Variants in NR3C2 observed in about 807,000 individuals in gnomAD.
The protein encoded by NR3C2 is nuclear receptor subfamily 3 group C member 2, also known as mineralocorticoid receptor.
A neutral mutation model predicts 86.4 loss-of-function variants in NR3C2; 15 were observed. The observed-to-expected ratio is 0.17, with a 90% CI of 0.12 to 0.27. The LOEUF (loss-of-function observed/expected upper bound fraction) is 0.27. Among genes scored for constraint, NR3C2 ranks in the 10% least tolerant of loss-of-function variants. NR3C2 has a pLI of 1.00. For synonymous variants in NR3C2, 458 were observed against 450.5 expected, an observed-to-expected ratio of 1.02 and a Z score of -0.21; for missense variants, 960 against 1,195.6, an observed-to-expected ratio of 0.80 and a Z score of 2.91.
chr4:148,159,372 A>C (rs1175967306), intron 4 of NR3C2, among the ~76,000 whole-genome samples: 1 of 152,194 alleles, frequency 6.6e-6, no homozygotes, highest in Non-Finnish European at 1.5e-5. Context: ...CAAAATTTCT[A>C]CTGTGTAATG....
At chr4:148,379,798 A>T (rs1187765525) in intron 2 of NR3C2, among the ~76,000 whole-genome samples, 1 of 152,010 alleles carries the variant, frequency 6.6e-6, no homozygotes, top group African/African-American at 2.4e-5. Flanking sequence ...GCAGGATAAC[A>T]TTAAACCTGG....
chr4:148,107,632 G>A lies in NR3C2; in HGVS notation c.2799+6472C>T, dbSNP rs114151845. ...CATTGATAGGCTGGGTAAAGAAAAT[G>A]TGGCACATAAACACCATCGAATACT... On this transcript the variant is annotated intron_variant, in intron 8 of 8. Transcript: ENST00000358102. Among the ~76,000 whole-genome samples the A allele has an allele frequency of 4.0e-3, 616 of 152,300 alleles. 1 individual carries two copies. Among genetic ancestry groups the A allele is most frequent in the Middle Eastern group, 0.01 (3 of 294 alleles).
chr4:148,278,333 C>G (rs948253560), intron 2 of NR3C2, among the ~76,000 whole-genome samples: 2 of 152,244 alleles, frequency 1.3e-5, no homozygotes, highest in East Asian at 3.9e-4. Flanking sequence ...CACCTAGCCT[C>G]AAGCGATCTG....
chr4:148,207,568 A>T (rs1315710713), intron 3 of NR3C2, among the ~76,000 whole-genome samples: 1 of 152,258 alleles, frequency 6.6e-6, no homozygotes, highest in Non-Finnish European at 1.5e-5. Context: ...TTCATAAGGC[A>T]GTAATGGGCT....
At chr4:148,141,429 C>G (rs1438271795) in intron 6 of NR3C2, among the ~76,000 whole-genome samples, 1 of 135,030 alleles carries the variant, frequency 7.4e-6, no homozygotes, top group Non-Finnish European at 1.6e-5. Context: ...CTCTCTCTCT[C>G]TCTCTCTCCC....
intron 6 of NR3C2, among the ~76,000 whole-genome samples, chr4:148,139,931 A>G (rs1400919983): frequency 1.3e-5 from 2 of 152,268 alleles, no homozygotes; most frequent in Admixed American, 6.5e-5. Flanking sequence ...TACAATAAAA[A>G]TAATCGTGTG....
chr4:148,146,550 G>A (rs1733879171), intron 6 of NR3C2: 1 of 152,364 alleles, frequency 6.6e-6, no homozygotes, highest in African/African-American at 2.4e-5. Context: ...AAAGAAACAG[G>A]TAGCACCCCA....
intron 6 of NR3C2, among the ~76,000 whole-genome samples, chr4:148,149,389 T>C (rs1373851197): frequency 6.6e-6 from 1 of 152,184 alleles, no homozygotes; most frequent in Non-Finnish European, 1.5e-5. Context: ...CCCCTTTAAG[T>C]ACATTATTCC....
chr4:148,187,273 T>G (rs778591680), intron 4 of NR3C2, among the ~76,000 whole-genome samples: 12 of 151,918 alleles, frequency 7.9e-5, no homozygotes, highest in Non-Finnish European at 1.8e-4. Context: ...TACTTTTAGT[T>G]ATTTAAGGAA....
At chr4:148,201,296 G>A (rs1427262188) in intron 3 of NR3C2, among the ~76,000 whole-genome samples, 2 of 152,166 alleles carry the variant, frequency 1.3e-5, no homozygotes, top group Non-Finnish European at 2.9e-5. Context: ...GGGGAGATGG[G>A]CAGGCCAGAG....
rs555010014 is a variant in NR3C2 at position 148,411,363 on chromosome 4, T to C, written c.1757+23741A>G. Among the ~76,000 whole-genome samples the C allele has an allele frequency of 7.2e-5, 11 of 152,316 alleles. No individual in the cohort carries two copies. The South Asian group carries it at 2.3e-3, about 32-fold the overall frequency. ...TATTTAGATTTAAAAGATGTTAACA[T>C]TTAATGAAATCCAAATCCAATTCAA... On this transcript the variant is annotated intron_variant, in intron 2 of 8. Coordinates refer to ENST00000358102, the MANE Select transcript of NR3C2 (RefSeq NM_000901.5).
At chr4:148,231,103 T>A (rs543021020) in intron 3 of NR3C2, among the ~76,000 whole-genome samples, 1 of 152,338 alleles carries the variant, frequency 6.6e-6, no homozygotes, top group South Asian at 2.1e-4. Context: ...CCAATCTCTA[T>A]GACAGATTAA....
At chr4:148,127,737 T>C (rs1047144547) in intron 6 of NR3C2, among the ~76,000 whole-genome samples, 1 of 152,236 alleles carries the variant, frequency 6.6e-6, no homozygotes, top group Admixed American at 6.5e-5. Flanking sequence ...TAGAGACCCA[T>C]TCCAGAGGTT....
intron 6 of NR3C2, among the ~76,000 whole-genome samples, chr4:148,147,863 T>G (rs576102454): frequency 6.6e-6 from 1 of 152,314 alleles, no homozygotes; most frequent in South Asian, 2.1e-4. Flanking sequence ...AGGCATGCTT[T>G]GAGTTTTCTA....
Position 148,351,750 on chromosome 4 carries a change from A to G in NR3C2, c.1757+83354T>C, listed in dbSNP as rs941526254. Among the ~76,000 whole-genome samples the G allele has an allele frequency of 2.0e-5, 3 of 152,208 alleles. No homozygotes were observed. The East Asian group carries it at 5.8e-4, about 29-fold the overall frequency. ...AATGAGTGAATAAAAGAGCAAATAA[A>G]TTGACTCACAGTGATAAACTCAGAG... On this transcript the variant is annotated intron_variant, in intron 2 of 8. Coordinates refer to ENST00000358102, the MANE Select transcript of NR3C2 (RefSeq NM_000901.5).
intron 2 of NR3C2, among the ~76,000 whole-genome samples, chr4:148,385,578 C>G (rs72656886): frequency 2.5e-4 from 38 of 152,160 alleles, no homozygotes; most frequent in African/African-American, 7.7e-4. Context: ...CAACTGAACA[C>G]AAAGATATAT....
chr4:148,351,611 A>C (rs1218008201), intron 2 of NR3C2, among the ~76,000 whole-genome samples: 1 of 152,154 alleles, frequency 6.6e-6, no homozygotes, highest in African/African-American at 2.4e-5. Context: ...ACAGCCTTGG[A>C]AGAGATGTGA....
intron 2 of NR3C2, among the ~76,000 whole-genome samples, chr4:148,410,540 T>C (rs573489829): frequency 3.9e-5 from 6 of 152,188 alleles, no homozygotes; most frequent in Non-Finnish European, 8.8e-5. Flanking sequence ...TACATCCTAG[T>C]TTAACTGCAG....
intron 3 of NR3C2, among the ~76,000 whole-genome samples, chr4:148,220,699 G>C (rs1035991310): frequency 6.6e-6 from 1 of 152,180 alleles, no homozygotes; most frequent in Non-Finnish European, 1.5e-5. Flanking sequence ...GGGAAACTGA[G>C]GGGGGAGGAT....
Sources: gnomAD v4.1 joint callset for allele counts (sites outside exome capture counted in the v4.1 genomes callset) on GRCh38, gnomAD v4.1.1 for gene constraint, MANE v1.5 for transcripts, NCBI Gene and HGNC (gene_info 2026-07-23, HGNC 2026-07-21) for gene names.